MAP3K15: variants seen among roughly 807,000 people sequenced by gnomAD.
MAP3K15 encodes the protein mitogen-activated protein kinase kinase kinase 15, also known as MAPK/ERK kinase kinase 15.
A neutral mutation model predicts 99.5 loss-of-function variants in MAP3K15; 124 were observed. The ratio of observed to expected loss-of-function variants is 1.25; its 90% CI spans 1.08 to 1.45. MAP3K15 has a LOEUF of 1.45. Among genes scored for constraint, MAP3K15 ranks in the 40% most tolerant of loss-of-function variants. The pLI, the probability that MAP3K15 is intolerant of heterozygous loss-of-function variation, is 0.00. For missense variants in MAP3K15, 1,242 were observed against 1,079.7 expected (o/e 1.15, Z -2.11); for synonymous variants, 494 against 439.6 (o/e 1.12, Z -1.55).
chrX:19,425,541 G>A lies in MAP3K15; in HGVS notation c.1429C>T (p.Pro477Ser), dbSNP rs1461405233. The A allele has an allele frequency of 8.4e-7, 1 of 1,196,940 alleles. No homozygotes were observed. The highest frequency in any genetic ancestry group is 1.1e-6 in the Non-Finnish European group (1 of 893,509). Residue 477 changes from proline to serine, a missense_variant, in exon 9 of 29, where the codon CCT becomes TCT. Physicochemically the swap from Pro to Ser is moderately conservative, Grantham distance 74. Transcript: ENST00000338883. ...QAAERLFKLK[P>S]PVWYLRSLVQ... ...ACAGACACAACTCACCAGACTGGAGGTTTCAGTTTGAACAACCTCTCTGCT... is the reference window on the plus strand; with the variant it reads ...ACAGACACAACTCACCAGACTGGAGATTTCAGTTTGAACAACCTCTCTGCT...
At chrX:19,430,140 C>G (rs1480290151) in intron 7 of MAP3K15, among the ~76,000 whole-genome samples, 1 of 112,321 alleles carries the variant, frequency 8.9e-6, no homozygotes, top group Non-Finnish European at 1.9e-5. Flanking sequence ...GCACATTCCT[C>G]CACCCTTTTG....
chrX:19,447,883 C>CAAAAAAAAAAAA (rs753152404), intron 6 of MAP3K15, among the ~76,000 whole-genome samples: 27 of 25,963 alleles, frequency 1.0e-3, no homozygotes, highest in African/African-American at 2.7e-3. Flanking sequence ...GACTCCGTCT[C>CAAAAAAAAAAAA]AAAAAAAAAA....
chrX:19,457,243 G>A (rs1248710869), intron 5 of MAP3K15, among the ~76,000 whole-genome samples: 1 of 111,704 alleles, frequency 9.0e-6, no homozygotes, highest in African/African-American at 3.3e-5. Context: ...GCTATCAAAG[G>A]GCATGAAGCA....
intron 11 of MAP3K15, among the ~76,000 whole-genome samples, chrX:19,410,358 G>A (rs745665803): frequency 6.2e-5 from 7 of 112,347 alleles, no homozygotes; most frequent in African/African-American, 1.3e-4. Context: ...GCAAGACTGC[G>A]ACAGACACCT....
chrX:19,437,266 T>C (rs1361379057), intron 6 of MAP3K15, among the ~76,000 whole-genome samples: 1 of 111,788 alleles, frequency 8.9e-6, no homozygotes, highest in South Asian at 3.7e-4. Context: ...ACAGAAGTCA[T>C]AGTGATCCTC....
intron 6 of MAP3K15, 144 bp downstream of exon 6, chrX:19,456,769 G>A (rs1157327296): frequency 2.4e-6 from 1 of 420,687 alleles, no homozygotes; most frequent in African/African-American, 2.5e-5. Context: ...CAAAGTCCCT[G>A]AGGACAAAGA....
intron 1 of MAP3K15, among the ~76,000 whole-genome samples, chrX:19,493,799 C>T (rs1260716212): frequency 9.0e-6 from 1 of 110,931 alleles, no homozygotes; most frequent in East Asian, 2.8e-4. Context: ...CGCCCAAGGT[C>T]GCTCAAGTAC....
Position 19,360,591 on chromosome X carries a change from A to T in MAP3K15, c.*158T>A, listed in dbSNP as rs184532061. On this transcript the variant is annotated 3_prime_UTR_variant, in exon 29 of 29. Transcript: ENST00000338883. Reference sequence around the variant, plus strand: ...GTTTATAAATAACAGGTTTCAAAAGAAACTCAGGACAGTATTTAAAACAAG... The same window carrying T: ...GTTTATAAATAACAGGTTTCAAAAGTAACTCAGGACAGTATTTAAAACAAG... The T allele has an allele frequency of 2.3e-6, 1 of 432,434 alleles. No individual in the cohort carries two copies. The allele number at this position is 432,434 out of a possible 1,213,427, so 35.6% of individuals were successfully genotyped here.
At chrX:19,492,371 G>GA (rs758977319) in intron 1 of MAP3K15, among the ~76,000 whole-genome samples, 2 of 110,485 alleles carry the variant, frequency 1.8e-5, no homozygotes, top group East Asian at 2.8e-4. Context: ...AGAACTCAAA[G>GA]AAAAAAATAA....
At chrX:19,392,129 A>T in intron 17 of MAP3K15, 22 bp from the exon 18 acceptor site, 3 of 1,144,472 alleles carry the variant, frequency 2.6e-6, no homozygotes, top group Non-Finnish European at 3.6e-6. Context: ...AACATCATCA[A>T]GTGCTTAAAA....
intron 18 of MAP3K15, among the ~76,000 whole-genome samples, chrX:19,388,261 C>T (rs1223549280): frequency 8.9e-6 from 1 of 112,281 alleles, no homozygotes; most frequent in Admixed American, 9.4e-5. Context: ...GCGATGAGTC[C>T]TTTTTAATTC....
intron 2 of MAP3K15, among the ~76,000 whole-genome samples, chrX:19,488,279 A>G (rs959544579): frequency 1.8e-5 from 2 of 112,276 alleles, no homozygotes; most frequent in Non-Finnish European, 3.8e-5. Context: ...CATTTTAGAA[A>G]TTCTCAACCA....
In MAP3K15 at chrX:19,369,124, C is replaced by T. The variant is rs369366467; in HGVS notation, c.3496G>A (p.Gly1166Ser). 1.7e-6 allele frequency: 2 copies of T among 1,209,173 alleles called. No individual in the cohort carries two copies. Among genetic ancestry groups the T allele is most frequent in the African/African-American group, 1.8e-5 (1 of 57,139 alleles). Reference sequence around the variant, plus strand: ...TGCTGGTGGGGCTGGGCCTCCTGGCCAGGTCCGGTGGCTGGGGGATAGCCC... The same window carrying T: ...TGCTGGTGGGGCTGGGCCTCCTGGCTAGGTCCGGTGGCTGGGGGATAGCCC... ...EEGYPPATGP[G>S]QEAQPHQQHL... Residue 1166 changes from glycine to serine, a missense_variant, in exon 25 of 29, where the codon GGC becomes AGC. Physicochemically the swap from Gly to Ser is moderately conservative, Grantham distance 56. Coordinates refer to ENST00000338883, the MANE Select transcript of MAP3K15 (RefSeq NM_001001671.4).
intron 1 of MAP3K15, among the ~76,000 whole-genome samples, chrX:19,490,148 C>A: frequency 2.5e-5 from 2 of 80,985 alleles, no homozygotes; most frequent in South Asian, 9.2e-4. Flanking sequence ...TATACACACA[C>A]ACACACACAC....
chrX:19,464,448 TG>T, intron 3 of MAP3K15, 42 bp from the exon 4 acceptor site: 1 of 1,078,056 alleles, frequency 9.3e-7, no homozygotes, highest in Non-Finnish European at 1.2e-6. Flanking sequence ...GTAACTTATG[TG>T]GAAGTGTAGG....
intron 1 of MAP3K15, among the ~76,000 whole-genome samples, chrX:19,493,854 G>A (rs763453012): frequency 1.0e-3 from 113 of 111,196 alleles, no homozygotes; most frequent in African/African-American, 3.6e-3. Context: ...CCAACCCCAA[G>A]TCCTGTGTTC....
chrX:19,410,394 C>T (rs944415073), intron 11 of MAP3K15, among the ~76,000 whole-genome samples: 6 of 112,071 alleles, frequency 5.4e-5, no homozygotes, highest in African/African-American at 1.9e-4. Context: ...TCTTCCTTTT[C>T]TCCCTGAACA....
intron 6 of MAP3K15, among the ~76,000 whole-genome samples, chrX:19,443,666 C>T (rs56351117): frequency 0.018 from 2,035 of 111,400 alleles, 52 homozygotes; most frequent in African/African-American, 0.062. Flanking sequence ...GTATTCTGGG[C>T]GGGGGCACAG....
In MAP3K15 at chrX:19,490,176, CACACACACAT is replaced by C. The variant is rs1375704535; in HGVS notation, c.362-1219_362-1210del. Reference sequence around the variant, plus strand: ...ACACACACACACACACACACACACACACACACACATACATACAAAAATTCCTTAACAGTAT... The same window carrying C: ...ACACACACACACACACACACACACACACATACAAAAATTCCTTAACAGTAT... On this transcript the variant is annotated intron_variant, in intron 1 of 28. Coordinates refer to ENST00000338883, the MANE Select transcript of MAP3K15 (RefSeq NM_001001671.4). Among the ~76,000 whole-genome samples, 515 of 93,535 alleles carry C rather than the reference CACACACACAT, an allele frequency of 5.5e-3. 1 individual carries two copies. The highest frequency in any genetic ancestry group is 9.5e-3 in the Non-Finnish European group (418 of 44,052). The allele number at this position is 93,535 out of a possible 115,157, so 81.2% of individuals were successfully genotyped here. A position where few individuals can be genotyped will look rare whatever the true frequency, so the allele number is the denominator to read the frequency against.
Sources: allele counts gnomAD v4.1 joint callset (sites outside exome capture counted in the v4.1 genomes callset), GRCh38; gene constraint gnomAD v4.1.1; transcripts MANE v1.5; gene names NCBI Gene and HGNC (gene_info 2026-07-23, HGNC 2026-07-21).